PGM2L1: variants seen among roughly 807,000 people sequenced by gnomAD.
PGM2L1 encodes the protein glucose 1,6-bisphosphate synthase.
A neutral mutation model predicts 73.4 loss-of-function variants in PGM2L1; 35 were observed. The observed-to-expected ratio is 0.48, with a 90% CI of 0.36 to 0.63. PGM2L1 has a LOEUF of 0.63. PGM2L1 is among the 30% of genes least tolerant of loss of function. The pLI, the probability that PGM2L1 is intolerant of heterozygous loss-of-function variation, is 0.00. For missense variants in PGM2L1, 570 were observed against 742.0 expected, an observed-to-expected ratio of 0.77 and a Z score of 2.69; for synonymous variants, 225 against 253.8, an observed-to-expected ratio of 0.89 and a Z score of 1.08.
At chr11:74,377,347 A>G (rs1338542923) in intron 1 of PGM2L1, among the ~76,000 whole-genome samples, 1 of 152,028 alleles carries the variant, frequency 6.6e-6, no homozygotes, top group Non-Finnish European at 1.5e-5. Flanking sequence ...GTTAGCCAGG[A>G]TGGTCTCGAT....
intron 13 of PGM2L1, 27 bp from the exon 14 acceptor site, chr11:74,336,781 A>AT: frequency 6.7e-7 from 1 of 1,494,658 alleles, no homozygotes; most frequent in Non-Finnish European, 9.2e-7. Flanking sequence ...GAGTTTTGGA[A>AT]TTATTTATTT....
chr11:74,352,708 T>C (rs1862376564), intron 5 of PGM2L1, among the ~76,000 whole-genome samples: 1 of 151,974 alleles, frequency 6.6e-6, no homozygotes, highest in Non-Finnish European at 1.5e-5. Flanking sequence ...AAATGCTACA[T>C]AAAACAGAAA....
chr11:74,351,848 G>C (rs1261206324), intron 5 of PGM2L1, among the ~76,000 whole-genome samples: 1 of 151,918 alleles, frequency 6.6e-6, no homozygotes, highest in Non-Finnish European at 1.5e-5. Context: ...TGTAGTCCCA[G>C]CTACTCGGGA....
rs1862082223 is a variant in PGM2L1, at chr11:74,335,506, C to A, written c.*1146G>T. ...CAATCAGAAATTCTACAGAAGTCAG[C>A]AAGATGTTAGAATAAACTGGACCTC... On this transcript the variant is annotated 3_prime_UTR_variant, in exon 14 of 14. Coordinates refer to ENST00000298198, the MANE Select transcript of PGM2L1 (RefSeq NM_173582.6). The A allele has an allele frequency of 6.6e-6, 1 of 152,158 alleles. No homozygotes were observed. The highest frequency in any genetic ancestry group is 1.5e-5 in the Non-Finnish European group (1 of 68,016). The allele number at this position is 152,158 out of a possible 1,614,324, so 9.4% of individuals were successfully genotyped here.
chr11:74,387,995 T>C (rs934787025), intron 1 of PGM2L1, among the ~76,000 whole-genome samples: 3 of 152,238 alleles, frequency 2.0e-5, no homozygotes, highest in Non-Finnish European at 2.9e-5. Context: ...TTTTTACATA[T>C]ATGGCATCAA....
In PGM2L1 at chr11:74,335,554, G is replaced by A. The variant is rs1862083266; in HGVS notation, c.*1098C>T. ...CTCTGTTTTAAAACATGTAGTTTTA[G>A]TATTTCATAATACTTAAAATTTGGA... is the stretch of plus-strand genomic sequence containing the variant. On this transcript the variant is annotated 3_prime_UTR_variant, in exon 14 of 14. Transcript: ENST00000298198. The A allele has an allele frequency of 2.6e-5, 4 of 152,180 alleles. No individual in the cohort carries two copies. In the South Asian group the frequency reaches 8.3e-4, roughly 32 times the overall value. The allele number at this position is 152,180 out of a possible 1,614,324, so 9.4% of individuals were successfully genotyped here.
At chr11:74,339,419 G>C (rs992094363) in intron 12 of PGM2L1, among the ~76,000 whole-genome samples, 14 of 152,178 alleles carry the variant, frequency 9.2e-5, no homozygotes, top group African/African-American at 3.4e-4. Context: ...TACTAGGCCA[G>C]AGGGGTTGAC....
At chr11:74,366,362 A>C (rs1264152089) in intron 5 of PGM2L1, among the ~76,000 whole-genome samples, 3 of 151,626 alleles carry the variant, frequency 2.0e-5, no homozygotes, top group Non-Finnish European at 4.4e-5. Context: ...AAAGTATAAA[A>C]AAAAAAAAAA....
chr11:74,390,687 T>A (rs946533229), intron 1 of PGM2L1, among the ~76,000 whole-genome samples: 5 of 151,966 alleles, frequency 3.3e-5, no homozygotes, highest in African/African-American at 1.2e-4. Flanking sequence ...TACTGAAGAG[T>A]AGATGCAATT....
chr11:74,359,578 T>TAC (rs1862521610), intron 5 of PGM2L1, among the ~76,000 whole-genome samples: 1 of 151,840 alleles, frequency 6.6e-6, no homozygotes, highest in Non-Finnish European at 1.5e-5. Context: ...TATATATATA[T>TAC]ATACACATAC....
chr11:74,339,571 C>G (rs1862152916), intron 12 of PGM2L1, among the ~76,000 whole-genome samples: 1 of 152,136 alleles, frequency 6.6e-6, no homozygotes, highest in African/African-American at 2.4e-5. Flanking sequence ...GTAGCAAGTC[C>G]TTTCTATACT....
In PGM2L1 at chr11:74,355,162, G is replaced by C. The variant is rs1862424016; in HGVS notation, c.556-3586C>G. The stretch of plus-strand genomic sequence containing the variant: ...AGCCATGGTGGTGGTGGATATGGTG[G>C]CAGTGGGGATGGCTATAACAGATTT... On this transcript the variant is annotated intron_variant, in intron 5 of 13. Coordinates refer to ENST00000298198, the MANE Select transcript of PGM2L1 (RefSeq NM_173582.6). 6 of 1,394,412 alleles carry C rather than the reference G, an allele frequency of 4.3e-6. No individual in the cohort carries two copies. The African/African-American group carries it at 8.5e-5, about 20-fold the overall frequency. 86.4% of individuals were successfully genotyped at this position (1,394,412 alleles called of 1,614,324 possible). A position where few individuals can be genotyped will look rare whatever the true frequency, so the allele number is the denominator to read the frequency against.
At chr11:74,337,743 T>C (rs1862119395) in intron 13 of PGM2L1, among the ~76,000 whole-genome samples, 1 of 152,200 alleles carries the variant, frequency 6.6e-6, no homozygotes, top group South Asian at 2.1e-4. Flanking sequence ...GTTAATCACA[T>C]AATACTTAAA....
At chr11:74,360,000 G>A (rs1385262297) in intron 5 of PGM2L1, among the ~76,000 whole-genome samples, 1 of 152,050 alleles carries the variant, frequency 6.6e-6, no homozygotes, top group African/African-American at 2.4e-5. Context: ...GGGTGAGAAG[G>A]GTCAAATAAA....
In PGM2L1 at chr11:74,333,176, T is replaced by A. The variant is rs1335084606; in HGVS notation, c.*3476A>T. ...TCTGTATATCTCTTAATTTTTAAAA[T>A]TTTTATTCCCTTAAAAATAAAAAAA... On this transcript the variant is annotated 3_prime_UTR_variant, in exon 14 of 14. Coordinates refer to ENST00000298198, the MANE Select transcript of PGM2L1 (RefSeq NM_173582.6). 1 of 152,082 alleles carries A rather than the reference T, an allele frequency of 6.6e-6. No homozygotes were observed. Among genetic ancestry groups the A allele is most frequent in the Non-Finnish European group, 1.5e-5 (1 of 68,004 alleles). 9.4% of individuals were successfully genotyped at this position (152,082 alleles called of 1,614,324 possible).
Position 74,342,989 on chromosome 11 carries a change from CA to C in PGM2L1, c.1337del (p.Leu446TrpfsTer6). On this transcript the variant is annotated frameshift_variant, in exon 11 of 14. Coordinates refer to ENST00000298198, the MANE Select transcript of PGM2L1 (RefSeq NM_173582.6). LOFTEE classifies it high-confidence loss of function. ...SIGFLCGTSV[L>X]DKDGVSAAVV... The stretch of plus-strand genomic sequence containing the variant: ...CAGCTGCACTCACCCCATCTTTATC[CA>C]AAACTGAAGTTCCACAGAGAAAACC... 6.2e-7 allele frequency: 1 copy of C among 1,605,828 alleles called. No homozygotes were observed. Among genetic ancestry groups the C allele is most frequent in the Non-Finnish European group, 8.5e-7 (1 of 1,177,582 alleles).
At chr11:74,343,509 T>A in intron 9 of PGM2L1, 93 bp from the exon 10 acceptor site, 3 of 1,518,084 alleles carry the variant, frequency 2.0e-6, no homozygotes, top group Non-Finnish European at 2.6e-6. Context: ...AACGTTCATA[T>A]AATGATCCTT....
intron 5 of PGM2L1, among the ~76,000 whole-genome samples, chr11:74,356,616 T>A (rs571920544): frequency 2.0e-5 from 3 of 152,130 alleles, no homozygotes; most frequent in African/African-American, 7.2e-5. Context: ...AAAAATACCA[T>A]AATATCATGC....
rs536599158 is a variant in PGM2L1 at position 74,369,270 on chromosome 11, C to G, written c.472-695G>C. On this transcript the variant is annotated intron_variant, in intron 4 of 13. Transcript: ENST00000298198. Reference sequence around the variant, plus strand: ...GCCTCCTTTTCTCCCAATAATAGACCCACATGACAGTGTACAAAAATGGAT... The same window carrying G: ...GCCTCCTTTTCTCCCAATAATAGACGCACATGACAGTGTACAAAAATGGAT... Among the ~76,000 whole-genome samples the G allele has an allele frequency of 2.0e-5, 3 of 152,190 alleles. No individual in the cohort carries two copies. The South Asian group carries it at 6.2e-4, about 32-fold the overall frequency.
Sources: allele counts gnomAD v4.1 joint callset (sites outside exome capture counted in the v4.1 genomes callset), GRCh38; gene constraint gnomAD v4.1.1; transcripts MANE v1.5; gene names NCBI Gene and HGNC (gene_info 2026-07-23, HGNC 2026-07-21).